The following RNF216 variants were observed in gnomAD, a reference collection of about 807,000 sequenced individuals.
RNF216 encodes E3 ubiquitin-protein ligase RNF216.
A neutral mutation model predicts 110.8 loss-of-function variants in RNF216; 72 were observed. The observed-to-expected ratio is 0.65, with a 90% confidence interval of 0.54 to 0.79. The LOEUF (loss-of-function observed/expected upper bound fraction) is 0.79. Among genes scored for constraint, RNF216 ranks in the 30% least tolerant of loss-of-function variants. The pLI is 0.00. For missense variants in RNF216, 1,342 were observed against 1,141.2 expected (o/e 1.18, Z -2.54); for synonymous variants, 495 against 407.5 (o/e 1.21, Z -2.59).
intron 5 of RNF216, among the ~76,000 whole-genome samples, chr7:5,732,434 T>C (rs1328906736): frequency 6.6e-6 from 1 of 152,210 alleles, no homozygotes; most frequent in Admixed American, 6.5e-5. Context: ...GATGGAACAG[T>C]AGATATGATT....
At chr7:5,758,933 T>C (rs1164475701) in intron 2 of RNF216, among the ~76,000 whole-genome samples, 1 of 152,140 alleles carries the variant, frequency 6.6e-6, no homozygotes, top group African/African-American at 2.4e-5. Flanking sequence ...TGGAATAGTA[T>C]GGTTTGGATC....
At chr7:5,733,878 G>A (rs1794236011) in intron 5 of RNF216, among the ~76,000 whole-genome samples, 1 of 152,166 alleles carries the variant, frequency 6.6e-6, no homozygotes, top group Admixed American at 6.5e-5. Flanking sequence ...CATATAAGTT[G>A]CTTTTTAGAT....
chr7:5,748,578 T>C (rs188715696), intron 3 of RNF216, among the ~76,000 whole-genome samples: 1 of 151,752 alleles, frequency 6.6e-6, no homozygotes, highest in African/African-American at 2.4e-5. Context: ...CAGCTTACTT[T>C]ATTATAAGAA....
At chr7:5,724,623 C>T (rs1033214605) in intron 8 of RNF216, among the ~76,000 whole-genome samples, 3 of 152,164 alleles carry the variant, frequency 2.0e-5, no homozygotes, top group African/African-American at 4.8e-5. Flanking sequence ...TCTTTTAGAG[C>T]CTGAAAAGTT....
intron 13 of RNF216, among the ~76,000 whole-genome samples, chr7:5,674,333 A>C (rs973486403): frequency 2.0e-5 from 3 of 151,704 alleles, no homozygotes; most frequent in African/African-American, 7.3e-5. Flanking sequence ...TAATTTTCAA[A>C]TTTTTAGTAC....
At chr7:5,705,016 A>G (rs1414904980) in intron 13 of RNF216, among the ~76,000 whole-genome samples, 1 of 152,200 alleles carries the variant, frequency 6.6e-6, no homozygotes, top group Non-Finnish European at 1.5e-5. Flanking sequence ...GAAAAAACAT[A>G]CTTTAAACTT....
intron 8 of RNF216, among the ~76,000 whole-genome samples, chr7:5,721,750 T>G (rs762909026): frequency 2.6e-4 from 39 of 152,240 alleles, no homozygotes; most frequent in Non-Finnish European, 5.3e-4. Flanking sequence ...ATGTGCTGTA[T>G]GATTTTCAAC....
intron 13 of RNF216, among the ~76,000 whole-genome samples, chr7:5,693,271 C>T (rs1040541284): frequency 6.6e-6 from 1 of 152,154 alleles, no homozygotes; most frequent in Admixed American, 6.5e-5. Flanking sequence ...GGGATAGATA[C>T]CATATGGTCC....
At chr7:5,723,918 A>C (rs1211724145) in intron 8 of RNF216, among the ~76,000 whole-genome samples, 1 of 152,220 alleles carries the variant, frequency 6.6e-6, no homozygotes, top group Non-Finnish European at 1.5e-5. Flanking sequence ...TAAACTACTA[A>C]TGTAAATCAA....
At chr7:5,769,012 G>A (rs1796354543) in intron 1 of RNF216, among the ~76,000 whole-genome samples, 1 of 151,770 alleles carries the variant, frequency 6.6e-6, no homozygotes, top group African/African-American at 2.4e-5. Flanking sequence ...ATGAAAATTA[G>A]TTAACTATTT....
chr7:5,728,857 C>A (rs899287801), intron 7 of RNF216, among the ~76,000 whole-genome samples: 14 of 152,192 alleles, frequency 9.2e-5, no homozygotes, highest in Admixed American at 2.0e-4. Context: ...CCTGTTCTGG[C>A]CACAGCTACA....
rs756638314 is a variant in RNF216 at position 5,622,853 on chromosome 7, G to C, written c.*7C>G. 6.3e-7 allele frequency: 1 copy of C among 1,590,786 alleles called. No homozygotes were observed. The highest frequency in any genetic ancestry group is 1.3e-5 in the African/African-American group (1 of 74,676). On this transcript the variant is annotated 3_prime_UTR_variant, in exon 17 of 17. Coordinates refer to ENST00000389902, the MANE Select transcript of RNF216 (RefSeq NM_207111.4). ...GCTTTGTGCTGCTCAATGGGGATTCGGGGCCATCAGAAGCGATGCCGCGGC... is the reference window on the plus strand; with the variant it reads ...GCTTTGTGCTGCTCAATGGGGATTCCGGGCCATCAGAAGCGATGCCGCGGC...
chr7:5,675,103 T>C (rs1790194372), intron 13 of RNF216, among the ~76,000 whole-genome samples: 1 of 152,186 alleles, frequency 6.6e-6, no homozygotes, highest in Non-Finnish European at 1.5e-5. Context: ...GCTCCCACAA[T>C]TTAAAAGGTG....
intron 13 of RNF216, among the ~76,000 whole-genome samples, chr7:5,689,389 A>G (rs1317177280): frequency 6.6e-6 from 1 of 151,766 alleles, no homozygotes; most frequent in Admixed American, 6.6e-5. Context: ...AGAAAGAAGA[A>G]GAAAAGTGAA....
At chr7:5,739,997 G>A (rs1215484973) in intron 4 of RNF216, among the ~76,000 whole-genome samples, 9 of 62,386 alleles carry the variant, frequency 1.4e-4, no homozygotes, top group Non-Finnish European at 2.8e-4. Context: ...AGTGAGACTC[G>A]GTCTCAAAAA....
intron 5 of RNF216, among the ~76,000 whole-genome samples, chr7:5,735,381 A>G (rs1210044062): frequency 6.6e-6 from 1 of 152,202 alleles, no homozygotes; most frequent in African/African-American, 2.4e-5. Context: ...ATGATTCCCA[A>G]GAACTTAACA....
At chr7:5,672,066 A>C (rs747497628) in intron 13 of RNF216, among the ~76,000 whole-genome samples, 2 of 152,226 alleles carry the variant, frequency 1.3e-5, no homozygotes, top group Non-Finnish European at 2.9e-5. Flanking sequence ...ATGACTATCA[A>C]GGAGTAGATG....
intron 13 of RNF216, among the ~76,000 whole-genome samples, chr7:5,659,856 C>CT (rs746398799): frequency 1.3e-5 from 2 of 151,942 alleles, no homozygotes; most frequent in Non-Finnish European, 1.5e-5. Context: ...CACACCTGTA[C>CT]TTTTTTTGTT....
At chr7:5,672,947 A>G (rs1790016570) in intron 13 of RNF216, among the ~76,000 whole-genome samples, 1 of 152,146 alleles carries the variant, frequency 6.6e-6, no homozygotes, top group South Asian at 2.1e-4. Flanking sequence ...AATGTACAAA[A>G]AAAGTACTGA....
Sources: allele counts gnomAD v4.1 joint callset (sites outside exome capture counted in the v4.1 genomes callset), GRCh38; gene constraint gnomAD v4.1.1; transcripts MANE v1.5; gene names NCBI Gene and HGNC (gene_info 2026-07-23, HGNC 2026-07-21).